Variants in CFAP36 observed in about 807,000 individuals in gnomAD.
The protein encoded by CFAP36 is cilia- and flagella-associated protein 36.
Under a neutral mutation model 50.5 loss-of-function variants are expected in CFAP36, and 37 were observed. The observed-to-expected ratio is 0.73, with a 90% CI of 0.56 to 0.96. CFAP36 has a LOEUF of 0.96. Among genes scored for constraint, CFAP36 ranks in the 50% least tolerant of loss-of-function variants. The pLI is 0.00. For synonymous variants in CFAP36, 138 were observed against 128.2 expected, an observed-to-expected ratio of 1.08 and a Z score of -0.52; for missense variants, 407 against 396.2, an observed-to-expected ratio of 1.03 and a Z score of -0.23.
intron 7 of CFAP36, among the ~76,000 whole-genome samples, chr2:55,540,088 C>T (rs947184667): frequency 6.6e-6 from 1 of 152,164 alleles, no homozygotes; most frequent in African/African-American, 2.4e-5. Context: ...TGTGGCTTGT[C>T]TTCTCATCCT....
At chr2:55,530,168 A>T (rs911039936) in intron 4 of CFAP36, among the ~76,000 whole-genome samples, 1 of 152,118 alleles carries the variant, frequency 6.6e-6, no homozygotes, top group East Asian at 1.9e-4. Flanking sequence ...GTGATAGTGA[A>T]TAAGTCTCAT....
intron 7 of CFAP36, among the ~76,000 whole-genome samples, chr2:55,540,048 TG>T (rs1369390421): frequency 6.6e-6 from 1 of 152,234 alleles, no homozygotes; most frequent in African/African-American, 2.4e-5. Flanking sequence ...CTTTATCAGA[TG>T]TGTCTTCTGA....
intron 7 of CFAP36, among the ~76,000 whole-genome samples, chr2:55,539,955 GTTGT>G (rs1005045824): frequency 2.6e-5 from 4 of 152,108 alleles, no homozygotes; most frequent in East Asian, 3.8e-4. Context: ...TATTTGTTGG[GTTGT>G]TTGTTTTCTT....
chr2:55,537,763 C>G (rs1258451224), intron 7 of CFAP36, among the ~76,000 whole-genome samples, 178 bp downstream of exon 7: 1 of 152,146 alleles, frequency 6.6e-6, no homozygotes, highest in Admixed American at 6.6e-5. Flanking sequence ...AGATACTGAC[C>G]TGAAAGAGAG....
At chr2:55,526,256 T>C (rs1007544459) in intron 3 of CFAP36, among the ~76,000 whole-genome samples, 1 of 152,230 alleles carries the variant, frequency 6.6e-6, no homozygotes, top group Non-Finnish European at 1.5e-5. Flanking sequence ...TCCCTGCTGG[T>C]AGAACAGAGA....
chr2:55,524,761 C>G (rs572873509), intron 3 of CFAP36, among the ~76,000 whole-genome samples: 2 of 151,990 alleles, frequency 1.3e-5, no homozygotes, highest in East Asian at 3.9e-4. Context: ...GCGGGCAGAT[C>G]ACCTGAGGTC....
At chr2:55,535,666 C>G in intron 5 of CFAP36, 46 bp from the exon 6 acceptor site, 1 of 1,404,944 alleles carries the variant, frequency 7.1e-7, no homozygotes, top group Admixed American at 3.1e-5. Context: ...TGTTCTTTGA[C>G]CAAAAAAGGA....
chr2:55,522,151 G>A lies in CFAP36; in HGVS notation c.165G>A (p.Gln55=). 6.5e-7 allele frequency: 1 copy of A among 1,530,028 alleles called. No homozygotes were observed. The highest frequency in any genetic ancestry group is 8.9e-7 in the Non-Finnish European group (1 of 1,119,770). The allele number at this position is 1,530,028 out of a possible 1,614,324, so 94.8% of individuals were successfully genotyped here. ...AATTGACCTATACAGAGATTCATCA[G>A]GAATACAAAGAACTAGTGAGTATTT... ...ESKLTYTEIH[Q]EYKELVEKLL... The change falls in exon 2 of 10, where the codon CAG becomes CAA. Residue 55 remains glutamine (Q), a synonymous_variant. Coordinates refer to ENST00000349456, the MANE Select transcript of CFAP36 (RefSeq NM_080667.7).
At chr2:55,544,097 G>C (rs1008384008) in intron 8 of CFAP36, 23 bp downstream of exon 8, 3 of 1,612,758 alleles carry the variant, frequency 1.9e-6, no homozygotes, top group Non-Finnish European at 1.7e-6. Flanking sequence ...CATCACTTAA[G>C]AACTATAAGC....
chr2:55,544,147 T>G (rs1342270921), intron 8 of CFAP36, 73 bp downstream of exon 8: 1 of 1,608,918 alleles, frequency 6.2e-7, no homozygotes, highest in African/African-American at 1.3e-5. Context: ...TCGAATTGAA[T>G]CACTCAGTGG....
chr2:55,520,117 C>A (rs1684019390), intron 1 of CFAP36, among the ~76,000 whole-genome samples: 1 of 152,210 alleles, frequency 6.6e-6, no homozygotes, highest in African/African-American at 2.4e-5. Context: ...TCCTTTCACC[C>A]TGCCAATGTG....
chr2:55,535,000 C>T (rs535699296), intron 5 of CFAP36, among the ~76,000 whole-genome samples: 2 of 152,288 alleles, frequency 1.3e-5, no homozygotes, highest in African/African-American at 4.8e-5. Flanking sequence ...ACACAGAATG[C>T]TTTGAGTTTA....
chr2:55,527,275 C>T lies in CFAP36; in HGVS notation c.283-1603C>T, dbSNP rs76090189. ...CCAGTAGTTAGAAAATCAGTAAAGACATAGTTGAACTAAACAGCACCTTCA... is the reference window on the plus strand; with the variant it reads ...CCAGTAGTTAGAAAATCAGTAAAGATATAGTTGAACTAAACAGCACCTTCA... On this transcript the variant is annotated intron_variant, in intron 3 of 9. Coordinates refer to ENST00000349456, the MANE Select transcript of CFAP36 (RefSeq NM_080667.7). Among the ~76,000 whole-genome samples the T allele has an allele frequency of 1.1e-3, 174 of 152,188 alleles. No individual in the cohort carries two copies. The Middle Eastern group carries it at 0.02, about 18-fold the overall frequency.
intron 3 of CFAP36, among the ~76,000 whole-genome samples, chr2:55,526,714 G>A (rs1311542364): frequency 2.0e-5 from 3 of 152,080 alleles, no homozygotes; most frequent in African/African-American, 7.2e-5. Flanking sequence ...AAGCTCTGGG[G>A]TTACAGGTGT....
intron 2 of CFAP36, 48 bp from the exon 3 acceptor site, chr2:55,523,673 T>A: frequency 7.9e-7 from 1 of 1,264,646 alleles, no homozygotes; most frequent in Non-Finnish European, 1.1e-6. Flanking sequence ...CAAACTGTCA[T>A]GTAGAATTTT....
intron 2 of CFAP36, among the ~76,000 whole-genome samples, chr2:55,522,845 C>G (rs536672683): frequency 1.3e-5 from 2 of 152,234 alleles, no homozygotes; most frequent in South Asian, 4.1e-4. Flanking sequence ...CCTATAATCC[C>G]AGCACTTTGG....
intron 3 of CFAP36, among the ~76,000 whole-genome samples, chr2:55,525,632 C>CTTTTTT (rs35228412): frequency 6.7e-6 from 1 of 149,928 alleles, no homozygotes. Flanking sequence ...AACTTGCTCT[C>CTTTTTT]TTTTTTTTTT....
chr2:55,524,280 G>A (rs1684144684), intron 3 of CFAP36, among the ~76,000 whole-genome samples: 1 of 151,910 alleles, frequency 6.6e-6, no homozygotes, highest in Non-Finnish European at 1.5e-5. Context: ...TTTTTGATAT[G>A]GGGTCTCACT....
intron 4 of CFAP36, among the ~76,000 whole-genome samples, chr2:55,533,493 C>T (rs1684403368): frequency 6.6e-6 from 1 of 151,900 alleles, no homozygotes; most frequent in Non-Finnish European, 1.5e-5. Flanking sequence ...GACTTGAGGT[C>T]AGGAGTTTGA....
Sources: allele counts gnomAD v4.1 joint callset (sites outside exome capture counted in the v4.1 genomes callset), GRCh38; gene constraint gnomAD v4.1.1; transcripts MANE v1.5; gene names NCBI Gene and HGNC (gene_info 2026-07-23, HGNC 2026-07-21).